The following KANK1 variants were observed in gnomAD, a reference collection of about 807,000 sequenced individuals.
The protein encoded by KANK1 is KN motif and ankyrin repeat domain-containing protein 1.
Under a neutral mutation model 106.2 loss-of-function variants are expected in KANK1, and 109 were observed. The ratio of observed to expected loss-of-function variants is 1.03; its 90% CI spans 0.88 to 1.20. KANK1 has a LOEUF of 1.20. Ranked by LOEUF, KANK1 falls within the 50% of genes most tolerant of loss-of-function variation. KANK1 has a pLI of 0.00. For synonymous variants in KANK1, 873 were observed against 652.2 expected, an observed-to-expected ratio of 1.34 and a Z score of -5.16; for missense variants, 2,399 against 1,710.7, an observed-to-expected ratio of 1.40 and a Z score of -7.10.
At chr9:706,886 T>C (rs1052080221) in intron 2 of KANK1, 15 of 985,240 alleles carry the variant, frequency 1.5e-5, no homozygotes, top group African/African-American at 3.5e-5. Flanking sequence ...GTGACTAGTA[T>C]AGGAAAAACA....
chr9:682,881 G>A (rs1344359793), intron 2 of KANK1, among the ~76,000 whole-genome samples: 3 of 152,206 alleles, frequency 2.0e-5, no homozygotes, highest in South Asian at 4.1e-4. Flanking sequence ...TGGCAGGGTA[G>A]GCAGAATGCT....
intron 2 of KANK1, chr9:677,749 A>G (rs908267866): frequency 6.6e-6 from 1 of 152,146 alleles, no homozygotes; most frequent in African/African-American, 2.4e-5. Context: ...ATTTTTTCTG[A>G]GCGTCTGAGT....
chr9:722,657 A>G (rs1394489549), intron 3 of KANK1, among the ~76,000 whole-genome samples: 1 of 152,190 alleles, frequency 6.6e-6, no homozygotes, highest in Non-Finnish European at 1.5e-5. Context: ...ACACCATCCA[A>G]AGAACATTTT....
At chr9:621,861 A>AGG (rs543810619) in intron 1 of KANK1, among the ~76,000 whole-genome samples, 198 of 152,250 alleles carry the variant, frequency 1.3e-3, no homozygotes, top group Non-Finnish European at 2.5e-3. Flanking sequence ...CGCCGGTGGA[A>AGG]GGGGTACAGT....
At chr9:557,264 GT>G (rs1444896570) in intron 1 of KANK1, among the ~76,000 whole-genome samples, 2 of 151,194 alleles carry the variant, frequency 1.3e-5, no homozygotes, top group Non-Finnish European at 2.9e-5. Context: ...AAGATATATT[GT>G]TTTGGTTTTG....
intron 1 of KANK1, among the ~76,000 whole-genome samples, chr9:601,604 T>A (rs1048191690): frequency 1.3e-5 from 2 of 151,916 alleles, no homozygotes; most frequent in Non-Finnish European, 2.9e-5. Flanking sequence ...CCCTTATTGC[T>A]AGTGCTATTC....
intron 1 of KANK1, among the ~76,000 whole-genome samples, chr9:529,940 A>C (rs2059983082): frequency 6.6e-6 from 1 of 152,240 alleles, no homozygotes; most frequent in Non-Finnish European, 1.5e-5. Context: ...CGTTGCCAGT[A>C]CAGTATGTTA....
In KANK1 at chr9:706,692, T is replaced by G. The variant is rs192781866; in HGVS notation, c.38-4112T>G. 4 of 715,754 alleles carry G rather than the reference T, an allele frequency of 5.6e-6. No homozygotes were observed. In the East Asian group the frequency reaches 5.3e-4, roughly 95 times the overall value. The allele number at this position is 715,754 out of a possible 1,614,324, so 44.3% of individuals were successfully genotyped here. A position where few individuals can be genotyped will look rare whatever the true frequency, so the allele number is the denominator to read the frequency against. On this transcript the variant is annotated intron_variant, in intron 2 of 11. Transcript: ENST00000382297. ...GCAAAGGCTCAGTTGAAATTAATGATAAAGGATAACTACTTGCCACGTGTC... is the reference window on the plus strand; with the variant it reads ...GCAAAGGCTCAGTTGAAATTAATGAGAAAGGATAACTACTTGCCACGTGTC...
At chr9:626,828 G>A (rs1014201576) in intron 1 of KANK1, among the ~76,000 whole-genome samples, 2 of 152,200 alleles carry the variant, frequency 1.3e-5, no homozygotes, top group African/African-American at 4.8e-5. Context: ...ATGACATGAT[G>A]CTTTCACAAT....
chr9:640,917 C>T (rs1196660478), intron 1 of KANK1, among the ~76,000 whole-genome samples: 3 of 151,240 alleles, frequency 2.0e-5, no homozygotes, highest in Admixed American at 6.6e-5. Context: ...AGGATGGTCT[C>T]GATCTCCTGA....
rs114580973 is a variant in KANK1 at position 738,428 on chromosome 9, C to T, written c.3477C>T (p.Asp1159=). The T allele has an allele frequency of 1.7e-3, 2,809 of 1,614,036 alleles. 44 individuals are homozygous for T. The African/African-American group carries it at 0.033, about 19-fold the overall frequency. ...TCCGCTATGTCATCAACTTGGCAGA[C>T]GGCAACGGCAACACAGCCCTCCATT... is the stretch of plus-strand genomic sequence containing the variant. ...DVLRYVINLA[D]GNGNTALHYS... Residue 1159 remains aspartate, a synonymous_variant, in exon 8 of 12, where the codon GAC becomes GAT. Transcript: ENST00000382297.
At chr9:732,058 G>C (rs1278005367) in intron 5 of KANK1, 1 of 198,482 alleles carries the variant, frequency 5.0e-6, no homozygotes, top group Non-Finnish European at 1.0e-5. Flanking sequence ...GGGGTGGGGG[G>C]GGGACAAAAA....
chr9:510,918 A>G (rs1318546177), intron 1 of KANK1, among the ~76,000 whole-genome samples: 1 of 152,206 alleles, frequency 6.6e-6, no homozygotes, highest in Non-Finnish European at 1.5e-5. Context: ...ACCAGCCTTC[A>G]TTCAGAATAA....
intron 1 of KANK1, among the ~76,000 whole-genome samples, chr9:632,495 T>A (rs1835981900): frequency 6.6e-6 from 1 of 152,176 alleles, no homozygotes; most frequent in Non-Finnish European, 1.5e-5. Flanking sequence ...CTGTAACTGG[T>A]GAAGATGGAG....
At chr9:541,815 C>T (rs934092361) in intron 1 of KANK1, among the ~76,000 whole-genome samples, 21 of 152,244 alleles carry the variant, frequency 1.4e-4, no homozygotes, top group South Asian at 2.1e-4. Context: ...ACAGGCCGGG[C>T]GCGGTGGCTC....
Position 712,137 on chromosome 9 carries a change from G to A in KANK1, c.1371G>A (p.Leu457=), listed in dbSNP as rs912175. 1.5e-5 allele frequency: 25 copies of A among 1,613,876 alleles called. No homozygotes were observed. In the Admixed American group the frequency reaches 4.0e-4, roughly 26 times the overall value. The change falls in exon 3 of 12, where the codon CTG becomes CTA. Residue 457 remains leucine (L), a synonymous_variant. Transcript: ENST00000382297. The part of the protein sequence containing the change: ...VMTEADKEIE[L]QQQTIESLKE... ...CTGAAGCTGACAAAGAAATTGAGCT[G>A]CAACAGCAGACCATAGAATCCTTGA...
chr9:605,891 C>T (rs941009897), intron 1 of KANK1, among the ~76,000 whole-genome samples: 13 of 151,582 alleles, frequency 8.6e-5, no homozygotes, highest in African/African-American at 3.2e-4. Context: ...CTAACTGGCC[C>T]ATACACCAGA....
chr9:709,704 C>T (rs765322266), intron 2 of KANK1, among the ~76,000 whole-genome samples: 1 of 151,436 alleles, frequency 6.6e-6, no homozygotes, highest in South Asian at 2.1e-4. Flanking sequence ...CAACCTCCAC[C>T]TCCTGGATTC....
intron 1 of KANK1, among the ~76,000 whole-genome samples, chr9:603,236 G>A (rs1828226764): frequency 6.6e-6 from 1 of 151,862 alleles, no homozygotes; most frequent in African/African-American, 2.4e-5. Flanking sequence ...TGGAGATGAT[G>A]TTAAATGTGT....
Sources: allele counts gnomAD v4.1 joint callset (sites outside exome capture counted in the v4.1 genomes callset), GRCh38; gene constraint gnomAD v4.1.1; transcripts MANE v1.5; gene names NCBI Gene and HGNC (gene_info 2026-07-23, HGNC 2026-07-21).